FXR1: variants seen among roughly 807,000 people sequenced by gnomAD.
FXR1 encodes the protein FMR1 autosomal homolog 1, also known as RNA-binding protein FXR1.
A neutral mutation model predicts 84.0 loss-of-function variants in FXR1; 15 were observed. The ratio of observed to expected loss-of-function variants is 0.18; its 90% CI spans 0.12 to 0.27. The LOEUF is 0.27. Ranked by LOEUF, FXR1 falls within the 10% of genes least tolerant of loss-of-function variation. FXR1 has a pLI of 1.00. For synonymous variants in FXR1, 245 were observed against 250.7 expected, an observed-to-expected ratio of 0.98 and a Z score of 0.21; for missense variants, 480 against 774.4, an observed-to-expected ratio of 0.62 and a Z score of 4.51.
rs565946287 is a variant in FXR1 at position 180,982,490 on chromosome 3, T to G, written c.*6198T>G. On this transcript the variant is annotated 3_prime_UTR_variant, in exon 17 of 17. Coordinates refer to ENST00000357559, the MANE Select transcript of FXR1 (RefSeq NM_005087.4). ...AAAAAATGTGCTCTGCTGTGCTCCT[T>G]GGTATTTTTAAGTGGTTTCCATTGT... is the stretch of plus-strand genomic sequence containing the variant. The G allele has an allele frequency of 4.2e-4, 64 of 152,274 alleles. No homozygotes were observed. Among genetic ancestry groups the G allele is most frequent in the African/African-American group, 1.5e-3 (62 of 41,580 alleles). The allele number at this position is 152,274 out of a possible 1,614,324, so 9.4% of individuals were successfully genotyped here. A position where few individuals can be genotyped will look rare whatever the true frequency, so the allele number is the denominator to read the frequency against.
chr3:180,951,953 G>A (rs12633492), intron 8 of FXR1, among the ~76,000 whole-genome samples: 2 of 152,112 alleles, frequency 1.3e-5, no homozygotes, highest in African/African-American at 2.4e-5. Context: ...TGCAGTCCCA[G>A]CTACTTGGGA....
intron 14 of FXR1, among the ~76,000 whole-genome samples, chr3:180,969,885 A>G (rs534260670): frequency 1.3e-5 from 2 of 152,334 alleles, no homozygotes; most frequent in South Asian, 4.1e-4. Context: ...TTTCTAATGT[A>G]TATTTTAAAA....
At position 180,912,677 on chromosome 3, in the gene FXR1, G is replaced by A. The variant is rs375850195; in HGVS notation, c.-9G>A. ...AGAATCTCTTCCCAGCGGCCTTTGC[G>A]GTTCCAACATGGCGGAGCTGACGGT... On this transcript the variant is annotated 5_prime_UTR_variant, in exon 1 of 17. Transcript: ENST00000357559. 96 of 1,613,648 alleles carry A rather than the reference G, an allele frequency of 5.9e-5. No individual in the cohort carries two copies. Among genetic ancestry groups the A allele is most frequent in the Non-Finnish European group, 6.1e-5 (72 of 1,179,970 alleles).
At chr3:180,950,286 T>C (rs1042475250) in intron 7 of FXR1, among the ~76,000 whole-genome samples, 2 of 152,236 alleles carry the variant, frequency 1.3e-5, no homozygotes, top group Non-Finnish European at 2.9e-5. Flanking sequence ...AATTTAAAAA[T>C]TCTGAACAAG....
chr3:180,927,711 A>G, intron 1 of FXR1: 3 of 467,676 alleles, frequency 6.4e-6, no homozygotes, highest in Non-Finnish European at 1.1e-5. Context: ...GATCTACAAG[A>G]CACAAACTGA....
rs762118769 is a variant in FXR1, at chr3:180,933,369, A to G, written c.87A>G (p.Thr29=). 5 of 1,573,870 alleles carry G rather than the reference A, an allele frequency of 3.2e-6. No individual in the cohort carries two copies. The highest frequency in any genetic ancestry group is 4.4e-6 in the Non-Finnish European group (5 of 1,144,114). The part of the protein sequence containing the change: ...FIKDVHEDSL[T]VVFENNWQPE... ...AAGATGTTCATGAAGACTCCCTTAC[A>G]GTTGTTTTTGAAAATAAGTAAGTTA... The change falls in exon 2 of 17, where the codon ACA becomes ACG. Residue 29 remains threonine (T), a synonymous_variant. Coordinates refer to ENST00000357559, the MANE Select transcript of FXR1 (RefSeq NM_005087.4).
chr3:180,940,633 A>T (rs958496531), intron 3 of FXR1, among the ~76,000 whole-genome samples: 1 of 148,040 alleles, frequency 6.8e-6, no homozygotes, highest in African/African-American at 2.5e-5. Flanking sequence ...CTCTAGTGCA[A>T]TGGCGCCATC....
Position 180,977,137 on chromosome 3 carries a change from TAAAC to T in FXR1, c.*846_*849del, listed in dbSNP as rs1418897970. The T allele has an allele frequency of 1.3e-5, 2 of 151,492 alleles. No homozygotes were observed. Among genetic ancestry groups the T allele is most frequent in the African/African-American group, 4.9e-5 (2 of 41,042 alleles). 9.4% of individuals were successfully genotyped at this position (151,492 alleles called of 1,614,324 possible). Reference sequence around the variant, plus strand: ...TATGTTTTTGTATGCAGGTAGTAAATAAACTTTGATCTTCCATTTGCTGAATTTT... The same window carrying T: ...TATGTTTTTGTATGCAGGTAGTAAATTTTGATCTTCCATTTGCTGAATTTT... On this transcript the variant is annotated 3_prime_UTR_variant, in exon 17 of 17. Transcript: ENST00000357559.
chr3:180,923,875 C>T (rs991862024), intron 1 of FXR1, among the ~76,000 whole-genome samples: 3 of 152,086 alleles, frequency 2.0e-5, no homozygotes, highest in African/African-American at 4.8e-5. Flanking sequence ...TACAGACCCT[C>T]AGGCATCCTT....
At chr3:180,916,810 A>G (rs1234741389) in intron 1 of FXR1, among the ~76,000 whole-genome samples, 1 of 152,134 alleles carries the variant, frequency 6.6e-6, no homozygotes, top group African/African-American at 2.4e-5. Flanking sequence ...CTGAGATTTC[A>G]GTCACTTTCT....
chr3:180,982,089 A>C lies in FXR1; in HGVS notation c.*5797A>C, dbSNP rs1469770595. On this transcript the variant is annotated 3_prime_UTR_variant, in exon 17 of 17. Coordinates refer to ENST00000357559, the MANE Select transcript of FXR1 (RefSeq NM_005087.4). ...ATAGTACAAAAAGTTAAGAGAACGG[A>C]ACTCAGGATCTGAGAAAGATCAGCC... 1 of 152,050 alleles carries C rather than the reference A, an allele frequency of 6.6e-6. No individual in the cohort carries two copies. The highest frequency in any genetic ancestry group is 1.9e-4 in the East Asian group (1 of 5,190). 9.4% of individuals were successfully genotyped at this position (152,050 alleles called of 1,614,324 possible).
intron 3 of FXR1, among the ~76,000 whole-genome samples, chr3:180,944,773 C>G (rs1721519943): frequency 6.6e-6 from 1 of 152,182 alleles, no homozygotes; most frequent in Admixed American, 6.5e-5. Flanking sequence ...CAGGCACATG[C>G]CACCATGCCT....
chr3:180,943,158 G>C (rs536452521), intron 3 of FXR1, among the ~76,000 whole-genome samples: 97 of 151,754 alleles, frequency 6.4e-4, no homozygotes, highest in African/African-American at 2.2e-3. Flanking sequence ...GTAGAGACGG[G>C]GTTTCACCAT....
rs369969651 is a variant in FXR1 at position 180,962,894 on chromosome 3, G to A, written c.1089G>A (p.Gln363=). The A allele has an allele frequency of 1.1e-5, 17 of 1,609,304 alleles. No homozygotes were observed. Among genetic ancestry groups the A allele is most frequent in the Non-Finnish European group, 1.4e-5 (16 of 1,175,872 alleles). Residue 363 remains glutamine (Q), a synonymous_variant, in exon 12 of 17, where the codon CAG becomes CAA. Transcript: ENST00000357559. ...YHIAYLKEVE[Q]LRMERLQIDE... is the part of the protein sequence containing the mutation. ...TGTTTTGATTGTAGGAAGTAGAACA[G>A]CTAAGAATGGAACGCCTACAGATTG...
At chr3:180,939,212 T>A (rs1720861504) in intron 3 of FXR1, among the ~76,000 whole-genome samples, 1 of 152,178 alleles carries the variant, frequency 6.6e-6, no homozygotes, top group Non-Finnish European at 1.5e-5. Flanking sequence ...ATTTTTAAAT[T>A]ATGTTTTCTA....
intron 2 of FXR1, among the ~76,000 whole-genome samples, chr3:180,934,791 G>T (rs767489335): frequency 2.6e-5 from 4 of 152,108 alleles, no homozygotes; most frequent in Non-Finnish European, 5.9e-5. Context: ...GCAGCTGTCC[G>T]AATCAAAGTT....
At chr3:180,954,138 C>G in intron 9 of FXR1, 1 of 246,850 alleles carries the variant, frequency 4.1e-6, no homozygotes, top group South Asian at 8.5e-5. Context: ...TGGGATCTTC[C>G]CTATTATTCT....
chr3:180,933,184 A>C, intron 1 of FXR1, 150 bp from the exon 2 acceptor site: 1 of 590,842 alleles, frequency 1.7e-6, no homozygotes, highest in East Asian at 3.0e-5. Context: ...GTGTCTCATA[A>C]ATAGAATAGA....
intron 1 of FXR1, among the ~76,000 whole-genome samples, chr3:180,916,933 C>T (rs1293252716): frequency 6.6e-6 from 1 of 152,118 alleles, no homozygotes; most frequent in African/African-American, 2.4e-5. Context: ...CTCAGTGGTT[C>T]AAGCGATTCT....
Sources: allele counts gnomAD v4.1 joint callset (sites outside exome capture counted in the v4.1 genomes callset), GRCh38; gene constraint gnomAD v4.1.1; transcripts MANE v1.5; gene names NCBI Gene and HGNC (gene_info 2026-07-23, HGNC 2026-07-21).